Variants in ERC1 observed in about 807,000 individuals in gnomAD.
ERC1 encodes the protein RAB6 interacting protein 2.
ERC1 carries 56 observed loss-of-function variants against 132.0 expected under a neutral mutation model. The observed-to-expected ratio is 0.42, with a 90% CI of 0.34 to 0.53. The LOEUF (loss-of-function observed/expected upper bound fraction) is 0.53. ERC1 is among the 20% of genes least tolerant of loss of function. ERC1 has a pLI of 0.03. For missense variants in ERC1, 1,202 were observed against 1,349.9 expected, an observed-to-expected ratio of 0.89 and a Z score of 1.72; for synonymous variants, 478 against 476.1, an observed-to-expected ratio of 1.00 and a Z score of -0.05.
chr12:1,201,036 G>A lies in ERC1; in HGVS notation c.2351+10984G>A, dbSNP rs146788019. The stretch of plus-strand genomic sequence containing the variant: ...TATATGCATACATATATATTTGCAC[G>A]TTTTTCCTTCTGTAAAAATGTAAGT... On this transcript the variant is annotated intron_variant, in intron 12 of 18. Transcript: ENST00000360905. 4.4e-3 allele frequency among the ~76,000 whole-genome samples: 672 copies of A among 152,120 alleles called. 11 individuals are homozygous for A. Among genetic ancestry groups the A allele is most frequent in the African/African-American group, 0.016 (644 of 41,526 alleles).
intron 3 of ERC1, among the ~76,000 whole-genome samples, chr12:1,097,961 C>T (rs780761626): frequency 6.6e-6 from 1 of 152,096 alleles, no homozygotes; most frequent in Non-Finnish European, 1.5e-5. Flanking sequence ...GTGATCTGCC[C>T]GCCTTGGCCT....
chr12:1,277,214 T>C (rs1192456094), intron 14 of ERC1, among the ~76,000 whole-genome samples: 2 of 152,244 alleles, frequency 1.3e-5, no homozygotes, highest in East Asian at 1.9e-4. Context: ...GAAAGTCTTA[T>C]GTAGCAGTGA....
intron 15 of ERC1, among the ~76,000 whole-genome samples, chr12:1,308,936 C>T (rs929496043): frequency 2.6e-5 from 4 of 152,126 alleles, no homozygotes; most frequent in African/African-American, 9.7e-5. Flanking sequence ...AGGTGGAGTT[C>T]TTATGAATGG....
At chr12:1,018,525 A>C (rs1410767084) in intron 1 of ERC1, among the ~76,000 whole-genome samples, 3 of 152,180 alleles carry the variant, frequency 2.0e-5, no homozygotes, top group Admixed American at 2.0e-4. Flanking sequence ...TAATTCATAA[A>C]ATTTGGATAC....
chr12:1,060,326 C>G (rs1973768013), intron 2 of ERC1, among the ~76,000 whole-genome samples: 1 of 151,922 alleles, frequency 6.6e-6, no homozygotes, highest in Non-Finnish European at 1.5e-5. Flanking sequence ...ACCCTCCCCC[C>G]TTCCCCCACC....
rs2083496298 is a variant in ERC1, at chr12:1,338,499, T to C, written c.2781-33334T>C. 3.3e-5 allele frequency among the ~76,000 whole-genome samples: 5 copies of C among 152,318 alleles called. No homozygotes were observed. The South Asian group carries it at 1.0e-3, about 32-fold the overall frequency. On this transcript the variant is annotated intron_variant, in intron 15 of 18. Transcript: ENST00000360905. ...TCAGCATACTCCTGCATCTCAACGA[T>C]CTGCATTCCTATCCATATTCTGCCT...
chr12:1,164,225 C>T (rs1952142599), intron 8 of ERC1, among the ~76,000 whole-genome samples: 1 of 113,368 alleles, frequency 8.8e-6, no homozygotes, highest in African/African-American at 4.8e-5. Context: ...GTCACAGAAC[C>T]TGCCCTTTTT....
chr12:1,341,576 C>A (rs2083898098), intron 15 of ERC1, among the ~76,000 whole-genome samples: 1 of 148,750 alleles, frequency 6.7e-6, no homozygotes, highest in Non-Finnish European at 1.5e-5. Context: ...AAACCGAACA[C>A]TGCATGTTCT....
At chr12:1,161,937 G>A (rs886414302) in intron 8 of ERC1, among the ~76,000 whole-genome samples, 1 of 152,070 alleles carries the variant, frequency 6.6e-6, no homozygotes, top group Non-Finnish European at 1.5e-5. Context: ...GAGAAACTAT[G>A]TTATTTTGGC....
rs2089727793 is a variant in ERC1 at position 1,389,329 on chromosome 12, A to G, written c.2925+17352A>G. Among the ~76,000 whole-genome samples the G allele has an allele frequency of 7.9e-5, 12 of 152,352 alleles. No homozygotes were observed. In the South Asian group the frequency reaches 2.5e-3, roughly 32 times the overall value. Reference sequence around the variant, plus strand: ...AAATGATAATTTTGGAGTCATCAGAACAGAAATACTACTTAAACCCATGAA... The same window carrying G: ...AAATGATAATTTTGGAGTCATCAGAGCAGAAATACTACTTAAACCCATGAA... On this transcript the variant is annotated intron_variant, in intron 16 of 18. Coordinates refer to ENST00000360905, the MANE Select transcript of ERC1 (RefSeq NM_178040.4).
In ERC1 at chr12:1,039,261, C is replaced by T. The variant is rs886980019; in HGVS notation, c.669+10689C>T. Among the ~76,000 whole-genome samples the T allele has an allele frequency of 4.0e-5, 6 of 150,954 alleles. No homozygotes were observed. The East Asian group carries it at 5.8e-4, about 15-fold the overall frequency. ...CTGAGGCAGGAGAATGGCGTGAACC[C>T]GGGAGGCGGAGTTTGCAGTCAGCCG... On this transcript the variant is annotated intron_variant, in intron 2 of 18. Transcript: ENST00000360905.
intron 13 of ERC1, among the ~76,000 whole-genome samples, chr12:1,240,656 G>T (rs1460339366): frequency 6.6e-6 from 1 of 151,930 alleles, no homozygotes. Flanking sequence ...ATTTCATGGA[G>T]TTGGTTTCTT....
intron 13 of ERC1, among the ~76,000 whole-genome samples, chr12:1,256,395 C>G (rs577750642): frequency 5.5e-5 from 8 of 146,558 alleles, no homozygotes; most frequent in African/African-American, 2.0e-4. Flanking sequence ...GGCCAATAGA[C>G]TCTGAGTATT....
At chr12:1,121,825 GTCTCTATCTCTATCTATCTCTA>G (rs1566014486) in intron 7 of ERC1, among the ~76,000 whole-genome samples, 7,883 of 23,736 alleles carry the variant, frequency 0.33, 1,382 homozygotes, top group East Asian at 0.36. Flanking sequence ...CTCTATCTGT[GTCTCTATCTCTATCTATCTCTA>G]TCTCTATCTC....
chr12:1,313,409 G>C (rs1270080171), intron 15 of ERC1, among the ~76,000 whole-genome samples: 1 of 152,050 alleles, frequency 6.6e-6, no homozygotes, highest in Non-Finnish European at 1.5e-5. Context: ...GTTAGTAAAG[G>C]ATGTTGATGG....
chr12:1,251,725 CTG>C (rs1335475215), intron 13 of ERC1, among the ~76,000 whole-genome samples: 2 of 152,146 alleles, frequency 1.3e-5, no homozygotes, highest in African/African-American at 4.8e-5. Flanking sequence ...GAAATGGACT[CTG>C]TAGTACTTTT....
In ERC1 at chr12:1,289,917, G is replaced by T. The variant is rs776049645; in HGVS notation, c.2685G>T (p.Leu895=). 9.9e-6 allele frequency: 16 copies of T among 1,613,794 alleles called. No homozygotes were observed. The highest frequency in any genetic ancestry group is 5.0e-5 in the Admixed American group (3 of 59,996). ...AACTAGAATCCATGAAAGCAAAGCT[G>T]TCCTCCACCCAGCAGTCTCTGGCAG... is the stretch of plus-strand genomic sequence containing the variant. The part of the protein sequence containing the change: ...KQELESMKAK[L]SSTQQSLAEK... The change falls in exon 15 of 19, where the codon CTG becomes CTT. Residue 895 remains leucine (L), a synonymous_variant. Coordinates refer to ENST00000360905, the MANE Select transcript of ERC1 (RefSeq NM_178040.4).
chr12:1,389,611 T>C (rs2089761137), intron 16 of ERC1, among the ~76,000 whole-genome samples: 1 of 152,224 alleles, frequency 6.6e-6, no homozygotes, highest in Non-Finnish European at 1.5e-5. Context: ...TTGAAAATGC[T>C]TTAAGCATTT....
intron 14 of ERC1, among the ~76,000 whole-genome samples, chr12:1,283,937 T>C (rs1355988407): frequency 1.3e-5 from 2 of 152,224 alleles, no homozygotes; most frequent in Non-Finnish European, 2.9e-5. Flanking sequence ...CTAGCTATTT[T>C]GAAATTCACA....
Sources: gnomAD v4.1 joint callset for allele counts (sites outside exome capture counted in the v4.1 genomes callset) on GRCh38, gnomAD v4.1.1 for gene constraint, MANE v1.5 for transcripts, NCBI Gene and HGNC (gene_info 2026-07-23, HGNC 2026-07-21) for gene names.